The following OTUD7A variants were observed in gnomAD, a reference collection of about 807,000 sequenced individuals.
The protein encoded by OTUD7A is OTU domain-containing protein 7A.
Under a neutral mutation model 65.7 loss-of-function variants are expected in OTUD7A, and 12 were observed. The observed-to-expected ratio is 0.18, with a 90% CI of 0.12 to 0.30. The LOEUF is 0.30. Among genes scored for constraint, OTUD7A ranks in the 10% least tolerant of loss-of-function variants. The pLI is 1.00. For synonymous variants in OTUD7A, 641 were observed against 586.3 expected (o/e 1.09, Z -1.35); for missense variants, 1,148 against 1,304.8 (o/e 0.88, Z 1.85).
Position 31,726,326 on chromosome 15 carries a change from G to A in OTUD7A, c.-99-69249C>T, listed in dbSNP as rs1280115718. 1.1e-4 allele frequency among the ~76,000 whole-genome samples: 14 copies of A among 125,774 alleles called. No individual in the cohort carries two copies. In the South Asian group the frequency reaches 1.2e-3, roughly 11 times the overall value. The allele number at this position is 125,774 out of a possible 152,430, so 82.5% of individuals were successfully genotyped here. A position where few individuals can be genotyped will look rare whatever the true frequency, so the allele number is the denominator to read the frequency against. On this transcript the variant is annotated intron_variant, in intron 1 of 12. Coordinates refer to ENST00000307050, the MANE Select transcript of OTUD7A (RefSeq NM_001382637.1). Reference sequence around the variant, plus strand: ...AATTTAAGCATTGTCTCTGTCTCTCGAATTACACACACACACACACGCACA... The same window carrying A: ...AATTTAAGCATTGTCTCTGTCTCTCAAATTACACACACACACACACGCACA...
chr15:31,796,127 A>G (rs1895946126), intron 1 of OTUD7A, among the ~76,000 whole-genome samples: 1 of 130,774 alleles, frequency 7.6e-6, no homozygotes, highest in Non-Finnish European at 1.6e-5. Flanking sequence ...AGAGAAGCAG[A>G]ACCAGTAAGG....
intron 3 of OTUD7A, among the ~76,000 whole-genome samples, chr15:31,595,586 C>T (rs897818854): frequency 2.0e-5 from 3 of 152,222 alleles, no homozygotes; most frequent in Admixed American, 1.3e-4. Flanking sequence ...CCTCTGGCAT[C>T]ATTTCCTACA....
intron 1 of OTUD7A, among the ~76,000 whole-genome samples, chr15:31,797,395 T>C (rs1253870907): frequency 2.6e-5 from 4 of 152,210 alleles, no homozygotes; most frequent in Non-Finnish European, 4.4e-5. Context: ...GAAGGGAATG[T>C]AGACTGGCGG....
At chr15:31,758,872 T>C (rs909133202) in intron 1 of OTUD7A, among the ~76,000 whole-genome samples, 4 of 152,214 alleles carry the variant, frequency 2.6e-5, no homozygotes, top group Non-Finnish European at 5.9e-5. Flanking sequence ...ATGTCCTGAT[T>C]TAGCCTGGGC....
chr15:31,496,902 A>C (rs568238730), intron 10 of OTUD7A, among the ~76,000 whole-genome samples: 1 of 152,320 alleles, frequency 6.6e-6, no homozygotes, highest in East Asian at 1.9e-4. Context: ...GCTCTTTGCA[A>C]AAACTTTTTT....
intron 1 of OTUD7A, among the ~76,000 whole-genome samples, chr15:31,758,940 C>T (rs1463081858): frequency 1.3e-5 from 2 of 152,192 alleles, no homozygotes; most frequent in African/African-American, 2.4e-5. Flanking sequence ...GCTATCTAGG[C>T]ATTGAAGTGT....
chr15:31,742,965 G>A (rs991331332), intron 1 of OTUD7A, among the ~76,000 whole-genome samples: 7 of 151,986 alleles, frequency 4.6e-5, no homozygotes, highest in Non-Finnish European at 1.0e-4. Context: ...AGCAAAATAT[G>A]ACAAGACTAA....
chr15:31,665,125 T>G (rs1892284333), intron 1 of OTUD7A, among the ~76,000 whole-genome samples: 1 of 152,230 alleles, frequency 6.6e-6, no homozygotes, highest in African/African-American at 2.4e-5. Context: ...TGCTTAGTCT[T>G]ACTTTGGCTA....
intron 8 of OTUD7A, among the ~76,000 whole-genome samples, chr15:31,525,245 C>T (rs1392472274): frequency 6.6e-6 from 1 of 152,212 alleles, no homozygotes; most frequent in Non-Finnish European, 1.5e-5. Context: ...AGGAAGAGAG[C>T]AGTTTTCCAC....
At chr15:31,759,034 T>A (rs764297171) in intron 1 of OTUD7A, among the ~76,000 whole-genome samples, 2 of 152,180 alleles carry the variant, frequency 1.3e-5, no homozygotes, top group Non-Finnish European at 2.9e-5. Context: ...CTACACCTCC[T>A]CTCGTGGGTT....
At position 31,483,582 on chromosome 15, in the gene OTUD7A, G is replaced by A. The variant is rs2041172936; in HGVS notation, c.2514C>T (p.Pro838=). 1 of 1,245,630 alleles carries A rather than the reference G, an allele frequency of 8.0e-7. No individual in the cohort carries two copies. The highest frequency in any genetic ancestry group is 1.0e-6 in the Non-Finnish European group (1 of 997,370). 77.2% of individuals were successfully genotyped at this position (1,245,630 alleles called of 1,614,324 possible). A position where few individuals can be genotyped will look rare whatever the true frequency, so the allele number is the denominator to read the frequency against. ...TCCCCGCCGCGCCCGGTAGGGCCCCGGGCACCGCGCGCGCCAGCGACTCGA... is the reference window on the plus strand; with the variant it reads ...TCCCCGCCGCGCCCGGTAGGGCCCCAGGCACCGCGCGCGCCAGCGACTCGA... ...NTVESLARAV[P]GALPGAAGTA... The change falls in exon 13 of 13, where the codon CCC becomes CCT. Residue 838 remains proline (P), a synonymous_variant. Coordinates refer to ENST00000307050, the MANE Select transcript of OTUD7A (RefSeq NM_001382637.1).
chr15:31,715,579 G>A (rs1225710133), intron 1 of OTUD7A, among the ~76,000 whole-genome samples: 1 of 147,424 alleles, frequency 6.8e-6, no homozygotes, highest in Non-Finnish European at 1.5e-5. Context: ...TACATCATCT[G>A]TCCATTCATT....
Position 31,483,289 on chromosome 15 carries a change from G to T in OTUD7A, c.*5C>A. Reference sequence around the variant, plus strand: ...AACCTCGCCGCCCGCGCCGCGCCGCGCCGCTCAGGGCCGGGCCCCGCGCGC... The same window carrying T: ...AACCTCGCCGCCCGCGCCGCGCCGCTCCGCTCAGGGCCGGGCCCCGCGCGC... On this transcript the variant is annotated 3_prime_UTR_variant, in exon 13 of 13. Coordinates refer to ENST00000307050, the MANE Select transcript of OTUD7A (RefSeq NM_001382637.1). 2.7e-6 allele frequency: 3 copies of T among 1,115,486 alleles called. No homozygotes were observed. Among genetic ancestry groups the T allele is most frequent in the Non-Finnish European group, 3.3e-6 (3 of 915,396 alleles). The allele number at this position is 1,115,486 out of a possible 1,614,324, so 69.1% of individuals were successfully genotyped here. A position where few individuals can be genotyped will look rare whatever the true frequency, so the allele number is the denominator to read the frequency against.
chr15:31,597,743 C>T (rs891676597), intron 3 of OTUD7A, among the ~76,000 whole-genome samples: 1 of 152,166 alleles, frequency 6.6e-6, no homozygotes, highest in African/African-American at 2.4e-5. Context: ...GTACCCCACC[C>T]TGCCCAGCCC....
intron 1 of OTUD7A, among the ~76,000 whole-genome samples, chr15:31,711,897 A>G (rs936653739): frequency 6.6e-6 from 1 of 152,006 alleles, no homozygotes; most frequent in Non-Finnish European, 1.5e-5. Context: ...AATGGCCTGA[A>G]AGGTGATTTT....
chr15:31,812,166 C>T (rs1011962667), intron 1 of OTUD7A, among the ~76,000 whole-genome samples: 4 of 152,176 alleles, frequency 2.6e-5, no homozygotes, highest in Non-Finnish European at 4.4e-5. Flanking sequence ...ACCCGTGCAT[C>T]ACATGGGCCT....
chr15:31,690,632 G>T (rs2141317230), intron 1 of OTUD7A, among the ~76,000 whole-genome samples: 1 of 152,308 alleles, frequency 6.6e-6, no homozygotes, highest in African/African-American at 2.4e-5. Context: ...TGCCACACAT[G>T]GCCTCGCATA....
chr15:31,839,405 T>C (rs1027134747), intron 1 of OTUD7A, among the ~76,000 whole-genome samples: 14 of 152,128 alleles, frequency 9.2e-5, no homozygotes, highest in African/African-American at 3.4e-4. Context: ...TTGAGGGCCC[T>C]TGGACCAAAT....
chr15:31,723,909 C>T (rs1371623234), intron 1 of OTUD7A, among the ~76,000 whole-genome samples: 3 of 97,134 alleles, frequency 3.1e-5, no homozygotes, highest in East Asian at 5.3e-4. Context: ...CAGGTGAGTG[C>T]CGTCTCCCCA....
Sources: gnomAD v4.1 joint callset for allele counts (sites outside exome capture counted in the v4.1 genomes callset) on GRCh38, gnomAD v4.1.1 for gene constraint, MANE v1.5 for transcripts, NCBI Gene and HGNC (gene_info 2026-07-23, HGNC 2026-07-21) for gene names.